Variants in ZNF197 observed in about 807,000 individuals in gnomAD.
ZNF197 encodes the protein VHL-associated KRAB-A domain-containing protein.
Under a neutral mutation model 27.4 loss-of-function variants are expected in ZNF197, and 14 were observed. The observed-to-expected ratio is 0.51, with a 90% confidence interval of 0.34 to 0.80. ZNF197 has a LOEUF of 0.80. Ranked by LOEUF, ZNF197 falls within the 30% of genes least tolerant of loss-of-function variation. ZNF197 has a pLI of 0.02. For missense variants in ZNF197, 1,090 were observed against 1,222.6 expected (o/e 0.89, Z 1.62); for synonymous variants, 415 against 420.0 (o/e 0.99, Z 0.15).
In ZNF197 at chr3:44,641,968, CAT is replaced by C; in HGVS notation, c.840_841del (p.His280GlnfsTer16). On this transcript the variant is annotated frameshift_variant, in exon 6 of 6. Transcript: ENST00000344387. LOFTEE classifies it low-confidence loss of function (END_TRUNC). ...KPSSSQRADS[H>X]KGTSKRLQGS... The stretch of plus-strand genomic sequence containing the variant: ...AAGTAGTTCTCAAAGAGCAGACTCT[CAT>C]AAAGGAACATCAAAAAGACTTCAAG... The C allele has an allele frequency of 6.8e-6, 11 of 1,613,024 alleles. No homozygotes were observed. The highest frequency in any genetic ancestry group is 9.3e-6 in the Non-Finnish European group (11 of 1,179,366).
Position 44,629,552 on chromosome 3 carries a change from A to G in ZNF197, c.390+8A>G, listed in dbSNP as rs774648472. On this transcript the variant is annotated splice_region_variant and intron_variant, in intron 2 of 5. Coordinates refer to ENST00000344387, the MANE Select transcript of ZNF197 (RefSeq NM_006991.5). The stretch of plus-strand genomic sequence containing the variant: ...GATGGACCAGCAATACAAGTGAGAA[A>G]GACAGGGAGGGGCGGTGGGTGTTGG... 1.6e-5 allele frequency: 24 copies of G among 1,541,710 alleles called. No homozygotes were observed. Among genetic ancestry groups the G allele is most frequent in the Non-Finnish European group, 2.0e-5 (23 of 1,145,726 alleles).
Position 44,644,189 on chromosome 3 carries a change from A to G in ZNF197, c.3059A>G (p.Asn1020Ser), listed in dbSNP as rs1430081326. 13 of 1,608,954 alleles carry G rather than the reference A, an allele frequency of 8.1e-6. No homozygotes were observed. The East Asian group carries it at 1.1e-4, about 14-fold the overall frequency. ...IEEFSWLQNTNESKIEIQKI is the reference protein window; with the variant it reads ...IEEFSWLQNTSESKIEIQKI ...GAATTCTCTTGGCTACAAAACACCA[A>G]TGAGTCCAAGATTGAGATTCAGAAA... Residue 1020 changes from asparagine (N) to serine (S), a missense_variant, in exon 6 of 6, where the codon AAT (asparagine) becomes AGT (serine). Asn to Ser is a conservative substitution (Grantham distance 46). Coordinates refer to ENST00000344387, the MANE Select transcript of ZNF197 (RefSeq NM_006991.5).
intron 4 of ZNF197, 114 bp downstream of exon 4, chr3:44,632,310 T>G (rs1293969445): frequency 1.3e-6 from 2 of 1,506,722 alleles, no homozygotes; most frequent in African/African-American, 2.8e-5. Context: ...AATCAGGGTC[T>G]ATGCTATTGG....
In ZNF197 at chr3:44,625,471, C is replaced by T. The variant is rs1701592358; in HGVS notation, c.-82+328C>T. On this transcript the variant is annotated intron_variant, in intron 1 of 5. Coordinates refer to ENST00000344387, the MANE Select transcript of ZNF197 (RefSeq NM_006991.5). ...TCAGGCCTTTCTGCTCTTCCTCAGT[C>T]TTGTCTGAGGCTAATCCACAGAAAC... Among the ~76,000 whole-genome samples, 3 of 152,190 alleles carry T rather than the reference C, an allele frequency of 2.0e-5. No homozygotes were observed. The South Asian group carries it at 6.2e-4, about 32-fold the overall frequency.
chr3:44,645,345 C>A lies in ZNF197; in HGVS notation c.*1125C>A, dbSNP rs1470636094. On this transcript the variant is annotated 3_prime_UTR_variant, in exon 6 of 6. Coordinates refer to ENST00000344387, the MANE Select transcript of ZNF197 (RefSeq NM_006991.5). ...ATTAGAATGAGGGGGATTCCAGGAA[C>A]CTAAAAGATACTCATTTTCATAAGA... 1.0e-6 allele frequency: 1 copy of A among 984,746 alleles called. No homozygotes were observed. The highest frequency in any genetic ancestry group is 1.8e-5 in the African/African-American group (1 of 56,810). 61.0% of individuals were successfully genotyped at this position (984,746 alleles called of 1,614,324 possible). A position where few individuals can be genotyped will look rare whatever the true frequency, so the allele number is the denominator to read the frequency against.
intron 1 of ZNF197, among the ~76,000 whole-genome samples, chr3:44,627,535 C>A (rs1487093042): frequency 6.6e-6 from 1 of 152,050 alleles, no homozygotes; most frequent in Non-Finnish European, 1.5e-5. Flanking sequence ...AAGCCCAATC[C>A]AAAAGTACCT....
rs1471803328 is a variant in ZNF197 at position 44,643,987 on chromosome 3, A to G, written c.2857A>G (p.Thr953Ala). 1 of 1,614,210 alleles carries G rather than the reference A, an allele frequency of 6.2e-7. No individual in the cohort carries two copies. Among genetic ancestry groups the G allele is most frequent in the Non-Finnish European group, 8.5e-7 (1 of 1,180,028 alleles). Residue 953 changes from threonine (T) to alanine (A), a missense_variant, in exon 6 of 6, where the codon ACA becomes GCA. Transcript: ENST00000344387. ...RNLVGHQRIH[T>A]GEKPYGCNDC... The stretch of plus-strand genomic sequence containing the variant: ...TTTAGTTGGCCACCAGAGAATTCAC[A>G]CAGGGGAGAAACCCTATGGGTGTAA...
chr3:44,643,651 AC>A lies in ZNF197; in HGVS notation c.2522del (p.Thr841MetfsTer21). 1 of 1,614,198 alleles carries A rather than the reference AC, an allele frequency of 6.2e-7. No individual in the cohort carries two copies. On this transcript the variant is annotated frameshift_variant, in exon 6 of 6. Coordinates refer to ENST00000344387, the MANE Select transcript of ZNF197 (RefSeq NM_006991.5). LOFTEE classifies it low-confidence loss of function (END_TRUNC). ...CCTTATAGCCCATCAGAGGATCCATACTGGTGAGAAGCCCTATGCGTGTAGT... is the reference window on the plus strand; with the variant it reads ...CCTTATAGCCCATCAGAGGATCCATATGGTGAGAAGCCCTATGCGTGTAGT... ...SNLIAHQRIH[T>X]GEKPYACSEC...
chr3:44,639,457 G>A (rs1279585783), intron 5 of ZNF197, among the ~76,000 whole-genome samples: 1 of 151,296 alleles, frequency 6.6e-6, no homozygotes, highest in Admixed American at 6.6e-5. Flanking sequence ...GTGCAGGCAG[G>A]GGGTGGGGGT....
chr3:44,637,801 A>T lies in ZNF197; in HGVS notation c.770-4099A>T, dbSNP rs78799301. Reference sequence around the variant, plus strand: ...TCAGGGTTTATTTCTAAAGTCTCAAATCTAGTCCTTTGATCTATATGTCTA... The same window carrying T: ...TCAGGGTTTATTTCTAAAGTCTCAATTCTAGTCCTTTGATCTATATGTCTA... On this transcript the variant is annotated intron_variant, in intron 5 of 5. Coordinates refer to ENST00000344387, the MANE Select transcript of ZNF197 (RefSeq NM_006991.5). Among the ~76,000 whole-genome samples, 1,403 of 152,260 alleles carry T rather than the reference A, an allele frequency of 9.2e-3. 23 individuals are homozygous for T. Among genetic ancestry groups the T allele is most frequent in the African/African-American group, 0.032 (1,343 of 41,544 alleles).
intron 1 of ZNF197, among the ~76,000 whole-genome samples, chr3:44,627,647 A>G (rs1372068219): frequency 1.3e-5 from 2 of 152,014 alleles, no homozygotes; most frequent in Non-Finnish European, 2.9e-5. Flanking sequence ...CCTGGCCAAC[A>G]TTGCGAAACC....
chr3:44,628,253 G>C (rs1340283075), intron 1 of ZNF197, among the ~76,000 whole-genome samples: 5 of 152,128 alleles, frequency 3.3e-5, no homozygotes, highest in Admixed American at 2.6e-4. Context: ...TTCTGGTTTT[G>C]TGTGTTTTCT....
At chr3:44,639,776 G>A (rs192127028) in intron 5 of ZNF197, among the ~76,000 whole-genome samples, 14 of 152,080 alleles carry the variant, frequency 9.2e-5, no homozygotes, top group Admixed American at 3.9e-4. Flanking sequence ...GAAAGGACAC[G>A]GACAGTGATA....
chr3:44,628,408 C>T (rs79954116), intron 1 of ZNF197, among the ~76,000 whole-genome samples: 61 of 152,160 alleles, frequency 4.0e-4, no homozygotes, highest in African/African-American at 1.4e-3. Context: ...CAAATTTATC[C>T]AAATATTTTG....
intron 5 of ZNF197, among the ~76,000 whole-genome samples, chr3:44,638,277 CTT>C (rs797012909): frequency 6.9e-6 from 1 of 144,916 alleles, no homozygotes; most frequent in Admixed American, 6.9e-5. Context: ...AGAAATACCA[CTT>C]TTTTTTTTTA....
intron 1 of ZNF197, among the ~76,000 whole-genome samples, chr3:44,627,157 C>T (rs1014432321): frequency 5.9e-5 from 9 of 152,064 alleles, no homozygotes; most frequent in Middle Eastern, 3.4e-3. Flanking sequence ...AAGAAGCTAA[C>T]GGAGAAGGAA....
In ZNF197 at chr3:44,642,380, T is replaced by C. The variant is rs1369670169; in HGVS notation, c.1250T>C (p.Leu417Ser). 5 of 1,614,022 alleles carry C rather than the reference T, an allele frequency of 3.1e-6. No homozygotes were observed. Among genetic ancestry groups the C allele is most frequent in the Non-Finnish European group, 4.2e-6 (5 of 1,180,036 alleles). ...CAGCGTTCGAGCCTTCTAATGCATTTACGGAACCATTCAGGGGAGAAACCT... is the reference window on the plus strand; with the variant it reads ...CAGCGTTCGAGCCTTCTAATGCATTCACGGAACCATTCAGGGGAGAAACCT... ...FIQRSSLLMH[L>S]RNHSGEKPYK... The change falls in exon 6 of 6, where the codon TTA becomes TCA. Residue 417 changes from leucine to serine, a missense_variant. By Grantham distance (145) the Leu-to-Ser change is moderately radical. Coordinates refer to ENST00000344387, the MANE Select transcript of ZNF197 (RefSeq NM_006991.5).
chr3:44,641,924 A>T lies in ZNF197; in HGVS notation c.794A>T (p.Glu265Val), dbSNP rs761982308. Residue 265 changes from glutamate to valine, a missense_variant, in exon 6 of 6, where the codon GAG (glutamate) becomes GTG (valine). Coordinates refer to ENST00000344387, the MANE Select transcript of ZNF197 (RefSeq NM_006991.5). ...SLEWETMTEN[E>V]EVTSKPSSSQ... ...GAATGGGAGACCATGACCGAGAATGAGGAGGTGACATCAAAGCCAAGTAGT... is the reference window on the plus strand; with the variant it reads ...GAATGGGAGACCATGACCGAGAATGTGGAGGTGACATCAAAGCCAAGTAGT... The T allele has an allele frequency of 3.7e-6, 6 of 1,601,394 alleles. No individual in the cohort carries two copies. In the African/African-American group the frequency reaches 8.1e-5, roughly 22 times the overall value.
rs766560142 is a variant in ZNF197, at chr3:44,629,548, A to G, written c.390+4A>G. On this transcript the variant is annotated splice_donor_region_variant and intron_variant, in intron 2 of 5. Coordinates refer to ENST00000344387, the MANE Select transcript of ZNF197 (RefSeq NM_006991.5). ...CCTTGATGGACCAGCAATACAAGTG[A>G]GAAAGACAGGGAGGGGCGGTGGGTG... is the stretch of plus-strand genomic sequence containing the variant. The G allele has an allele frequency of 1.3e-6, 2 of 1,545,022 alleles. No individual in the cohort carries two copies. The highest frequency in any genetic ancestry group is 4.5e-5 in the East Asian group (2 of 44,280).
Sources: gnomAD v4.1 joint callset for allele counts (sites outside exome capture counted in the v4.1 genomes callset) on GRCh38, gnomAD v4.1.1 for gene constraint, MANE v1.5 for transcripts, NCBI Gene and HGNC (gene_info 2026-07-23, HGNC 2026-07-21) for gene names.